FBXL17: variants seen among roughly 807,000 people sequenced by gnomAD.
The protein encoded by FBXL17 is F-box and leucine rich repeat protein 17, also known as F-box/LRR-repeat protein 17.
Under a neutral mutation model 66.2 loss-of-function variants are expected in FBXL17, and 22 were observed. That is an observed-to-expected ratio of 0.33 (90% confidence interval 0.24 to 0.47). The LOEUF (loss-of-function observed/expected upper bound fraction) is 0.47, where lower values mean the gene tolerates loss of function less well. Among genes scored for constraint, FBXL17 ranks in the 20% least tolerant of loss-of-function variants. The pLI, the probability that FBXL17 is intolerant of heterozygous loss-of-function variation, is 1.00. For synonymous variants in FBXL17, 474 were observed against 400.5 expected, an observed-to-expected ratio of 1.18 and a Z score of -2.19; for missense variants, 878 against 948.2, an observed-to-expected ratio of 0.93 and a Z score of 0.97.
intron 6 of FBXL17, among the ~76,000 whole-genome samples, chr5:108,059,925 T>A (rs140914747): frequency 0.011 from 1,657 of 151,694 alleles, 13 homozygotes; most frequent in Non-Finnish European, 0.017. Flanking sequence ...TGGAAATGTA[T>A]ATAAATTATA....
chr5:108,312,619 T>G (rs1260163818), intron 4 of FBXL17, among the ~76,000 whole-genome samples: 1 of 152,016 alleles, frequency 6.6e-6, no homozygotes, highest in Non-Finnish European at 1.5e-5. Context: ...TAATTTTAAA[T>G]GTTACTTCCA....
At position 108,113,660 on chromosome 5, in the gene FBXL17, T is replaced by C. The variant is rs73208888; in HGVS notation, c.1745+72457A>G. On this transcript the variant is annotated intron_variant, in intron 6 of 8. Coordinates refer to ENST00000542267, the MANE Select transcript of FBXL17 (RefSeq NM_001163315.3). Reference sequence around the variant, plus strand: ...TAAATCTCTCTGAGAAATGTCCCCATTGAACTAAACACTCCTCACATTAAA... The same window carrying C: ...TAAATCTCTCTGAGAAATGTCCCCACTGAACTAAACACTCCTCACATTAAA... 7.5e-3 allele frequency among the ~76,000 whole-genome samples: 1,135 copies of C among 152,180 alleles called. 18 individuals are homozygous for C. The highest frequency in any genetic ancestry group is 0.026 in the African/African-American group (1,078 of 41,528).
chr5:107,881,249 T>G lies in FBXL17; in HGVS notation c.1823-70A>C, dbSNP rs1382238384. Reference sequence around the variant, plus strand: ...GGGAGCTCTATCTTATTATGACTATTCATCTCATTTCCTCACTAAATTTGT... The same window carrying G: ...GGGAGCTCTATCTTATTATGACTATGCATCTCATTTCCTCACTAAATTTGT... On this transcript the variant is annotated intron_variant, in intron 7 of 8. Coordinates refer to ENST00000542267, the MANE Select transcript of FBXL17 (RefSeq NM_001163315.3). 4.7e-6 allele frequency: 4 copies of G among 846,124 alleles called. No homozygotes were observed. In the African/African-American group the frequency reaches 6.7e-5, roughly 14 times the overall value. 52.4% of individuals were successfully genotyped at this position (846,124 alleles called of 1,614,324 possible). A position where few individuals can be genotyped will look rare whatever the true frequency, so the allele number is the denominator to read the frequency against.
At chr5:107,949,550 T>C (rs1751431824) in intron 7 of FBXL17, among the ~76,000 whole-genome samples, 1 of 152,194 alleles carries the variant, frequency 6.6e-6, no homozygotes, top group Non-Finnish European at 1.5e-5. Flanking sequence ...ATTCTCATTA[T>C]TAGAACTATC....
chr5:108,055,845 TAAAAGAA>T (rs1372718306), intron 6 of FBXL17, among the ~76,000 whole-genome samples: 1 of 151,878 alleles, frequency 6.6e-6, no homozygotes, highest in Non-Finnish European at 1.5e-5. Context: ...TTCTCTTCTG[TAAAAGAA>T]AAAAGAAAAA....
chr5:108,270,866 G>A (rs1757238994), intron 4 of FBXL17, among the ~76,000 whole-genome samples: 1 of 151,850 alleles, frequency 6.6e-6, no homozygotes, highest in African/African-American at 2.4e-5. Context: ...TATGAGGAGG[G>A]GGGAAAACCA....
intron 4 of FBXL17, among the ~76,000 whole-genome samples, chr5:108,314,317 A>G (rs973957466): frequency 1.3e-5 from 2 of 151,728 alleles, no homozygotes; most frequent in Non-Finnish European, 1.5e-5. Context: ...TTGTTGGCCA[A>G]TATTGAAATG....
rs371814270 is a variant in FBXL17 at position 108,144,632 on chromosome 5, T to C, written c.1745+41485A>G. ...GTAGGCAAAAAACTGTACCTAGTAA[T>C]TCTCTACTGTCGATATTTTAAACTA... On this transcript the variant is annotated intron_variant, in intron 6 of 8. Transcript: ENST00000542267. Among the ~76,000 whole-genome samples the C allele has an allele frequency of 4.7e-4, 71 of 152,312 alleles. 1 individual carries two copies. In the South Asian group the frequency reaches 0.013, roughly 28 times the overall value.
intron 7 of FBXL17, among the ~76,000 whole-genome samples, chr5:107,985,689 T>C (rs1437635563): frequency 6.6e-6 from 1 of 152,224 alleles, no homozygotes; most frequent in Non-Finnish European, 1.5e-5. Context: ...GATCTCATAT[T>C]AAACTATGGC....
chr5:107,879,182 C>T, intron 8 of FBXL17: 1 of 985,400 alleles, frequency 1.0e-6, no homozygotes, highest in Non-Finnish European at 1.2e-6. Context: ...TCTTAACCAT[C>T]TAAAGATTAC....
chr5:108,004,843 G>A (rs879912898), intron 7 of FBXL17, among the ~76,000 whole-genome samples: 13 of 152,038 alleles, frequency 8.6e-5, no homozygotes, highest in Non-Finnish European at 1.6e-4. Context: ...AATTCGTAGC[G>A]TATTATATAA....
intron 8 of FBXL17, among the ~76,000 whole-genome samples, chr5:107,867,895 T>C (rs770349788): frequency 6.6e-6 from 1 of 152,218 alleles, no homozygotes; most frequent in Non-Finnish European, 1.5e-5. Context: ...CACGTAGTAT[T>C]AGGCTTTCGT....
intron 4 of FBXL17, among the ~76,000 whole-genome samples, chr5:108,264,752 G>T (rs141841963): frequency 2.6e-5 from 4 of 152,102 alleles, no homozygotes; most frequent in African/African-American, 9.6e-5. Context: ...ATTGGCCCAT[G>T]ACAATAACTT....
At chr5:108,370,170 A>G (rs537773509) in intron 1 of FBXL17, among the ~76,000 whole-genome samples, 1 of 152,346 alleles carries the variant, frequency 6.6e-6, no homozygotes, top group East Asian at 1.9e-4. Context: ...CAAACTCTAC[A>G]TAGACAGTGG....
At chr5:107,936,633 C>T (rs1750916819) in intron 7 of FBXL17, among the ~76,000 whole-genome samples, 1 of 152,096 alleles carries the variant, frequency 6.6e-6, no homozygotes, top group Non-Finnish European at 1.5e-5. Context: ...TAGGTGAAGA[C>T]TGGAGATGTG....
intron 7 of FBXL17, among the ~76,000 whole-genome samples, chr5:107,887,938 A>C (rs1297891750): frequency 6.6e-6 from 1 of 152,322 alleles, no homozygotes; most frequent in East Asian, 1.9e-4. Context: ...TTAAGGATAT[A>C]AATAGCTAAT....
chr5:108,278,839 C>A (rs925850806), intron 4 of FBXL17, among the ~76,000 whole-genome samples: 2 of 152,202 alleles, frequency 1.3e-5, no homozygotes, highest in African/African-American at 4.8e-5. Flanking sequence ...GCACTTGCCA[C>A]TGGGGGTCCT....
chr5:108,335,265 T>C (rs1189338574), intron 4 of FBXL17, among the ~76,000 whole-genome samples: 1 of 137,474 alleles, frequency 7.3e-6, no homozygotes, highest in Non-Finnish European at 1.5e-5. Flanking sequence ...TGGCTCATTA[T>C]CAGGCATGCA....
intron 1 of FBXL17, among the ~76,000 whole-genome samples, chr5:108,378,236 T>A (rs1041450091): frequency 6.6e-6 from 1 of 150,728 alleles, no homozygotes; most frequent in African/African-American, 2.4e-5. Context: ...AAAAAAAAAA[T>A]GGGCAAGTAT....
Sources: gnomAD v4.1 joint callset for allele counts (sites outside exome capture counted in the v4.1 genomes callset) on GRCh38, gnomAD v4.1.1 for gene constraint, MANE v1.5 for transcripts, NCBI Gene and HGNC (gene_info 2026-07-23, HGNC 2026-07-21) for gene names.